NDUFA10: variants seen among roughly 807,000 people sequenced by gnomAD.
NDUFA10 encodes the protein NADH dehydrogenase [ubiquinone] 1 alpha subcomplex subunit 10, mitochondrial.
In NDUFA10, 40 loss-of-function variants were observed where a neutral mutation model predicts 47.8. That is an observed-to-expected ratio of 0.84 (90% CI 0.65 to 1.09). NDUFA10 has a LOEUF of 1.09. NDUFA10 is among the 50% of genes least tolerant of loss of function. NDUFA10 has a pLI of 0.00. For missense variants in NDUFA10, 413 were observed against 451.1 expected, an observed-to-expected ratio of 0.92 and a Z score of 0.76; for synonymous variants, 183 against 172.2, an observed-to-expected ratio of 1.06 and a Z score of -0.49.
At chr2:239,929,325 A>C (rs1038903850) in intron 4 of NDUFA10, among the ~76,000 whole-genome samples, 2 of 152,174 alleles carry the variant, frequency 1.3e-5, no homozygotes, top group Non-Finnish European at 2.9e-5. Flanking sequence ...GAGTTGTCGA[A>C]GGTGGTTGAG....
intron 7 of NDUFA10, 63 bp from the exon 8 acceptor site, chr2:240,005,358 C>CT (rs1010991328): frequency 6.1e-5 from 85 of 1,393,216 alleles, no homozygotes; most frequent in African/African-American, 9.9e-5. Flanking sequence ...AATGAAATAA[C>CT]TTTTTTTTGA....
chr2:239,914,253 A>C (rs1693801777), intron 4 of NDUFA10, among the ~76,000 whole-genome samples: 1 of 151,910 alleles, frequency 6.6e-6, no homozygotes, highest in African/African-American at 2.4e-5. Context: ...CACACAGAAC[A>C]CACACATATA....
chr2:239,942,623 T>G (rs1295394654), intron 4 of NDUFA10, among the ~76,000 whole-genome samples: 1 of 152,190 alleles, frequency 6.6e-6, no homozygotes, highest in East Asian at 1.9e-4. Flanking sequence ...CAGGAATATT[T>G]TTTTTTTCTG....
chr2:239,901,162 TC>T (rs763226429), intron 4 of NDUFA10, among the ~76,000 whole-genome samples: 3 of 152,026 alleles, frequency 2.0e-5, no homozygotes, highest in Non-Finnish European at 4.4e-5. Context: ...TTCTGAAAAA[TC>T]CTAGGACCCT....
chr2:239,933,611 C>T (rs74002023), intron 4 of NDUFA10, among the ~76,000 whole-genome samples: 20,458 of 150,738 alleles, frequency 0.14, 1,450 homozygotes, highest in South Asian at 0.15. Context: ...TAATGCACAG[C>T]TACACTTGCA....
intron 4 of NDUFA10, among the ~76,000 whole-genome samples, chr2:239,926,756 G>A (rs1694074096): frequency 6.6e-6 from 1 of 152,144 alleles, no homozygotes; most frequent in Non-Finnish European, 1.5e-5. Context: ...GGAGGTGGAG[G>A]TGGAAGACAG....
chr2:239,984,305 T>G (rs1487921096), intron 9 of NDUFA10, among the ~76,000 whole-genome samples: 1 of 152,046 alleles, frequency 6.6e-6, no homozygotes, highest in Non-Finnish European at 1.5e-5. Flanking sequence ...TGTACCATAC[T>G]CACAGAAGAA....
chr2:239,996,133 C>G (rs983298834), intron 8 of NDUFA10, among the ~76,000 whole-genome samples: 2 of 152,012 alleles, frequency 1.3e-5, no homozygotes, highest in African/African-American at 4.8e-5. Flanking sequence ...TCTGAGTAAC[C>G]GATGGACCCA....
intron 4 of NDUFA10, among the ~76,000 whole-genome samples, chr2:239,921,014 A>T (rs926657591): frequency 6.6e-6 from 1 of 152,198 alleles, no homozygotes; most frequent in African/African-American, 2.4e-5. Context: ...CCACACAGCC[A>T]CAGGGTTCTG....
rs745894978 is a variant in NDUFA10, at chr2:240,007,313, T to C, written c.804+3A>G. ...ACTTTCAACTTTTCAACCATTTTCT[T>C]ACCTTTTTTGAATCTTGAGCTTCCC... On this transcript the variant is annotated splice_donor_region_variant and intron_variant, in intron 7 of 9. Coordinates refer to ENST00000252711, the MANE Select transcript of NDUFA10 (RefSeq NM_004544.4). 8 of 1,583,696 alleles carry C rather than the reference T, an allele frequency of 5.1e-6. 1 individual carries two copies. In the South Asian group the frequency reaches 8.9e-5, roughly 18 times the overall value.
intron 4 of NDUFA10, among the ~76,000 whole-genome samples, chr2:239,903,974 G>T (rs1693599854): frequency 6.6e-6 from 1 of 152,198 alleles, no homozygotes; most frequent in Non-Finnish European, 1.5e-5. Context: ...GGTAACAGTG[G>T]GGCAGCACAG....
At chr2:239,969,588 T>A in intron 9 of NDUFA10, 1 of 465,278 alleles carries the variant, frequency 2.1e-6, no homozygotes, top group Non-Finnish European at 4.5e-6. Context: ...AGGACACTCA[T>A]CAGCCTGGCC....
chr2:239,990,267 T>A, intron 8 of NDUFA10, 85 bp from the exon 9 acceptor site: 1 of 1,092,482 alleles, frequency 9.2e-7, no homozygotes, highest in Non-Finnish European at 1.4e-6. Context: ...TTTTTAAACA[T>A]CCATATAAAA....
At chr2:239,952,408 C>A (rs547623594), downstream of NDUFA10, among the ~76,000 whole-genome samples, 9 of 151,744 alleles carry the variant, frequency 5.9e-5, no homozygotes, top group East Asian at 1.4e-3. Context: ...CCGCAGCAAA[C>A]CCACCCCCAC....
At chr2:240,004,336 G>A (rs6758487) in intron 8 of NDUFA10, among the ~76,000 whole-genome samples, 2,255 of 152,166 alleles carry the variant, frequency 0.015, 54 homozygotes, top group African/African-American at 0.051. Context: ...TTACCTAATC[G>A]GTATGGTTTT....
At chr2:239,922,094 C>CTTCTTTGCTTGT (rs2106368792) in intron 4 of NDUFA10, among the ~76,000 whole-genome samples, 2 of 56,094 alleles carry the variant, frequency 3.6e-5, no homozygotes, top group East Asian at 9.2e-4. Flanking sequence ...TGTTTCCTTC[C>CTTCTTTGCTTGT]TTCCTCCCTT....
At position 240,006,234 on chromosome 2, in the gene NDUFA10, T is replaced by C. The variant is rs529606683; in HGVS notation, c.805-939A>G. Among the ~76,000 whole-genome samples the C allele has an allele frequency of 5.3e-5, 8 of 152,342 alleles. No individual in the cohort carries two copies. In the South Asian group the frequency reaches 1.7e-3, roughly 32 times the overall value. ...CCACCTAAACAGTCTCTCAAAGGTA[T>C]ATAAATACTCTAAAAACAGAAACAG... On this transcript the variant is annotated intron_variant, in intron 7 of 9. Transcript: ENST00000252711.
At chr2:239,975,401 C>G (rs1695479693) in intron 9 of NDUFA10, among the ~76,000 whole-genome samples, 1 of 152,230 alleles carries the variant, frequency 6.6e-6, no homozygotes, top group South Asian at 2.1e-4. Context: ...ACACCTTAGT[C>G]TGTGCATGGT....
intron 6 of NDUFA10, among the ~76,000 whole-genome samples, chr2:240,008,729 A>C (rs1382590208): frequency 6.6e-6 from 1 of 152,250 alleles, no homozygotes; most frequent in Non-Finnish European, 1.5e-5. Context: ...CATTAGCTGA[A>C]GCCCCACCAG....
Sources: allele counts gnomAD v4.1 joint callset (sites outside exome capture counted in the v4.1 genomes callset), GRCh38; gene constraint gnomAD v4.1.1; transcripts MANE v1.5; gene names NCBI Gene and HGNC (gene_info 2026-07-23, HGNC 2026-07-21).